The following HS6ST2 variants were observed in gnomAD, a reference collection of about 807,000 sequenced individuals.
HS6ST2 encodes heparan-sulfate 6-O-sulfotransferase 2.
In HS6ST2, 17 loss-of-function variants were observed where a neutral mutation model predicts 33.0. The ratio of observed to expected loss-of-function variants is 0.52; its 90% CI spans 0.35 to 0.77. HS6ST2 has a LOEUF of 0.77. Among genes scored for constraint, HS6ST2 ranks in the 30% least tolerant of loss-of-function variants. The pLI is 0.01. For missense variants in HS6ST2, 519 were observed against 551.7 expected (o/e 0.94, Z 0.59); for synonymous variants, 248 against 237.1 (o/e 1.05, Z -0.42).
chrX:132,849,861 G>C (rs1168550640), intron 2 of HS6ST2, among the ~76,000 whole-genome samples: 7 of 112,114 alleles, frequency 6.2e-5, no homozygotes, highest in Non-Finnish European at 1.9e-5. Flanking sequence ...CACTTGCAGA[G>C]ACTTATAGAA....
intron 2 of HS6ST2, among the ~76,000 whole-genome samples, chrX:132,851,490 A>T (rs972043389): frequency 1.8e-5 from 2 of 112,677 alleles, no homozygotes; most frequent in East Asian, 5.6e-4. Context: ...TGTAAGGGTG[A>T]AATTAAACAA....
chrX:132,776,747 T>G (rs769680522), intron 2 of HS6ST2, among the ~76,000 whole-genome samples: 1 of 104,949 alleles, frequency 9.5e-6, no homozygotes, highest in African/African-American at 3.9e-5. Flanking sequence ...AGCCAGTCAG[T>G]TAGTCACTAG....
chrX:132,800,594 C>T (rs2065225070), intron 2 of HS6ST2, among the ~76,000 whole-genome samples: 1 of 110,880 alleles, frequency 9.0e-6, no homozygotes, highest in South Asian at 3.9e-4. Flanking sequence ...CTCCCACCAT[C>T]CCCTATGTTG....
At chrX:132,911,901 T>A (rs1041428151) in intron 2 of HS6ST2, among the ~76,000 whole-genome samples, 1 of 111,298 alleles carries the variant, frequency 9.0e-6, no homozygotes, top group Admixed American at 9.5e-5. Flanking sequence ...CCTCCCAAAG[T>A]GCTGGGATTA....
At chrX:132,718,560 C>G (rs2064298666) in intron 2 of HS6ST2, among the ~76,000 whole-genome samples, 1 of 111,448 alleles carries the variant, frequency 9.0e-6, no homozygotes, top group Admixed American at 9.5e-5. Context: ...TATCACACCT[C>G]CACTGAGAGC....
At chrX:132,941,982 GTGTT>G (rs1179401431) in intron 2 of HS6ST2, among the ~76,000 whole-genome samples, 2 of 111,471 alleles carry the variant, frequency 1.8e-5, no homozygotes, top group African/African-American at 6.5e-5. Flanking sequence ...ATCTTATAGT[GTGTT>G]TATACATAAA....
At chrX:132,881,195 T>G (rs1305038482) in intron 2 of HS6ST2, among the ~76,000 whole-genome samples, 2 of 111,175 alleles carry the variant, frequency 1.8e-5, no homozygotes, top group African/African-American at 6.6e-5. Flanking sequence ...CCCTGAGGAC[T>G]CGCCACACTG....
At chrX:132,897,792 C>A (rs993495004) in intron 2 of HS6ST2, among the ~76,000 whole-genome samples, 4 of 111,567 alleles carry the variant, frequency 3.6e-5, no homozygotes, top group African/African-American at 1.3e-4. Flanking sequence ...TGTTTCAATT[C>A]TCATCATTTT....
intron 2 of HS6ST2, among the ~76,000 whole-genome samples, chrX:132,751,653 C>G (rs1357425368): frequency 8.9e-6 from 1 of 112,794 alleles, no homozygotes. Context: ...AAATCTCAGC[C>G]CTAGGGAATA....
At chrX:132,836,150 T>G (rs180933574) in intron 2 of HS6ST2, among the ~76,000 whole-genome samples, 165 of 111,298 alleles carry the variant, frequency 1.5e-3, no homozygotes, top group African/African-American at 5.0e-3. Flanking sequence ...CTCTTCCAGA[T>G]GCCCATAGTA....
At chrX:132,863,780 T>C (rs2065937702) in intron 2 of HS6ST2, among the ~76,000 whole-genome samples, 1 of 111,927 alleles carries the variant, frequency 8.9e-6, no homozygotes, top group Admixed American at 9.5e-5. Context: ...TCTTTCCTCA[T>C]AAGCATCGTA....
chrX:132,874,785 C>A (rs952806538), intron 2 of HS6ST2, among the ~76,000 whole-genome samples: 2 of 111,167 alleles, frequency 1.8e-5, no homozygotes, highest in Non-Finnish European at 3.8e-5. Flanking sequence ...AATAGAAAAC[C>A]CAAATCCCAG....
intron 3 of HS6ST2, among the ~76,000 whole-genome samples, chrX:132,682,474 C>T (rs968457049): frequency 9.9e-5 from 11 of 111,498 alleles, no homozygotes; most frequent in African/African-American, 3.6e-4. Flanking sequence ...CTCAGGGAAT[C>T]CCAGAATTGG....
intron 2 of HS6ST2, among the ~76,000 whole-genome samples, chrX:132,906,626 C>T (rs1343384466): frequency 9.0e-6 from 1 of 111,282 alleles, no homozygotes; most frequent in Non-Finnish European, 1.9e-5. Context: ...GGGCTTGGTG[C>T]TATCCTCATG....
At chrX:132,873,454 T>G (rs1197667708) in intron 2 of HS6ST2, among the ~76,000 whole-genome samples, 1 of 112,087 alleles carries the variant, frequency 8.9e-6, no homozygotes, top group Non-Finnish European at 1.9e-5. Context: ...TGAAAAGATA[T>G]TAAAATACCA....
intron 2 of HS6ST2, among the ~76,000 whole-genome samples, chrX:132,828,635 T>C (rs1426277056): frequency 1.0e-5 from 1 of 99,058 alleles, no homozygotes; most frequent in Non-Finnish European, 2.0e-5. Flanking sequence ...ACATACCAAC[T>C]AGGCACTAGA....
At chrX:132,728,083 T>C (rs1413182733) in intron 2 of HS6ST2, among the ~76,000 whole-genome samples, 6 of 112,227 alleles carry the variant, frequency 5.3e-5, no homozygotes, top group South Asian at 7.4e-4. Context: ...TTCACTATCA[T>C]GATTAATGCT....
chrX:132,831,862 T>C (rs751021780), intron 2 of HS6ST2, among the ~76,000 whole-genome samples: 7 of 112,149 alleles, frequency 6.2e-5, no homozygotes, highest in Non-Finnish European at 1.3e-4. Flanking sequence ...CTGGCAATTA[T>C]GCTGAGAAGG....
At chrX:132,660,507 A>G (rs910908035) in intron 4 of HS6ST2, among the ~76,000 whole-genome samples, 4 of 111,429 alleles carry the variant, frequency 3.6e-5, no homozygotes, top group African/African-American at 9.8e-5. Flanking sequence ...ATATGATTCT[A>G]TGAACTTTAG....
Sources: allele counts gnomAD v4.1 joint callset (sites outside exome capture counted in the v4.1 genomes callset), GRCh38; gene constraint gnomAD v4.1.1; transcripts MANE v1.5; gene names NCBI Gene and HGNC (gene_info 2026-07-23, HGNC 2026-07-21).